Variants in TMTC2 observed in about 807,000 individuals in gnomAD.
TMTC2 encodes protein O-mannosyl-transferase TMTC2.
A neutral mutation model predicts 82.4 loss-of-function variants in TMTC2; 43 were observed. That is an observed-to-expected ratio of 0.52 (90% CI 0.41 to 0.67). The LOEUF (loss-of-function observed/expected upper bound fraction) is 0.67. Ranked by LOEUF, TMTC2 falls within the 30% of genes least tolerant of loss-of-function variation. The pLI, the probability that TMTC2 is intolerant of heterozygous loss-of-function variation, is 0.00. For synonymous variants in TMTC2, 408 were observed against 381.9 expected (o/e 1.07, Z -0.80); for missense variants, 919 against 1,012.4 (o/e 0.91, Z 1.25).
chr12:82,984,243 A>G lies in TMTC2; in HGVS notation c.1949-1682A>G, dbSNP rs543960792. 2.0e-5 allele frequency among the ~76,000 whole-genome samples: 3 copies of G among 152,258 alleles called. No homozygotes were observed. In the East Asian group the frequency reaches 5.8e-4, roughly 29 times the overall value. ...GAAAAAAATCAAACATTTTTCAACT[A>G]TCATTTTTATGATAATATAGTTTAA... On this transcript the variant is annotated intron_variant, in intron 7 of 11. Transcript: ENST00000321196.
intron 7 of TMTC2, among the ~76,000 whole-genome samples, chr12:82,969,805 G>A (rs1346402845): frequency 6.6e-6 from 1 of 151,718 alleles, no homozygotes; most frequent in African/African-American, 2.4e-5. Flanking sequence ...AATTTCATAG[G>A]ACCAAGATGT....
At chr12:82,719,085 A>ATATATATATATATTT (rs1282211374) in intron 1 of TMTC2, among the ~76,000 whole-genome samples, 1 of 41,412 alleles carries the variant, frequency 2.4e-5, no homozygotes, top group East Asian at 9.7e-4. Context: ...ATATATATAT[A>ATATATATATATATTT]TTTTTTTTTT....
At chr12:83,061,690 C>T in intron 10 of TMTC2, 78 bp from the exon 11 acceptor site, 6 of 1,279,502 alleles carry the variant, frequency 4.7e-6, no homozygotes, top group Non-Finnish European at 5.2e-6. Flanking sequence ...TAAAAATTAA[C>T]ATTATTTTAC....
At chr12:83,059,910 G>T (rs1882679540) in intron 10 of TMTC2, among the ~76,000 whole-genome samples, 1 of 151,650 alleles carries the variant, frequency 6.6e-6, no homozygotes, top group Non-Finnish European at 1.5e-5. Context: ...GTAGTATTAA[G>T]TTACTCCAAT....
At chr12:82,884,515 T>A (rs574706923) in intron 2 of TMTC2, among the ~76,000 whole-genome samples, 1 of 152,368 alleles carries the variant, frequency 6.6e-6, no homozygotes, top group East Asian at 1.9e-4. Flanking sequence ...TTAATTTTTC[T>A]TTGCTAGCAG....
chr12:82,815,305 A>AT (rs1868635274), intron 1 of TMTC2, among the ~76,000 whole-genome samples: 1 of 145,018 alleles, frequency 6.9e-6, no homozygotes, highest in African/African-American at 2.6e-5. Flanking sequence ...TAATTAATTA[A>AT]TTAATTATTT....
intron 4 of TMTC2, among the ~76,000 whole-genome samples, chr12:82,952,920 AGTTGGGAAGAGGTTG>A (rs1310237819): frequency 6.6e-6 from 1 of 152,186 alleles, no homozygotes; most frequent in Non-Finnish European, 1.5e-5. Flanking sequence ...GCATTTTGTC[AGTTGGGAAGAGGTTG>A]GTTGTCAAGT....
At chr12:82,890,787 C>T (rs1873356210) in intron 2 of TMTC2, among the ~76,000 whole-genome samples, 1 of 151,948 alleles carries the variant, frequency 6.6e-6, no homozygotes, top group African/African-American at 2.4e-5. Context: ...CAGAGTCTCT[C>T]TTTTTTTTAT....
At chr12:83,045,693 A>T (rs996021100) in intron 9 of TMTC2, among the ~76,000 whole-genome samples, 8 of 149,444 alleles carry the variant, frequency 5.4e-5, no homozygotes, top group East Asian at 2.0e-4. Flanking sequence ...CTTATAGGGC[A>T]GGAAAGGGCT....
At chr12:82,756,184 G>A (rs1229530611) in intron 1 of TMTC2, among the ~76,000 whole-genome samples, 2 of 152,036 alleles carry the variant, frequency 1.3e-5, no homozygotes, top group Non-Finnish European at 2.9e-5. Context: ...TCTTGAGTTG[G>A]ATACTTAGTA....
At chr12:82,718,035 C>A (rs539821597) in intron 1 of TMTC2, among the ~76,000 whole-genome samples, 1 of 152,300 alleles carries the variant, frequency 6.6e-6, no homozygotes, top group South Asian at 2.1e-4. Flanking sequence ...GAGAACTTAA[C>A]CCATTTATGC....
At chr12:82,730,296 C>CAAAA (rs368959079) in intron 1 of TMTC2, among the ~76,000 whole-genome samples, 62,187 of 78,810 alleles carry the variant, frequency 0.79, 24,920 homozygotes, top group Non-Finnish European at 0.83. Flanking sequence ...CTCTGTCTCT[C>CAAAA]AAAAAAAAAA....
At chr12:82,845,772 G>A (rs1225864514) in intron 1 of TMTC2, among the ~76,000 whole-genome samples, 3 of 150,820 alleles carry the variant, frequency 2.0e-5, no homozygotes. Flanking sequence ...AGTGCTTAGA[G>A]TGTGGTATTT....
chr12:82,986,030 A>G lies in TMTC2; in HGVS notation c.2054A>G (p.Lys685Arg). The G allele has an allele frequency of 1.9e-6, 3 of 1,614,010 alleles. No individual in the cohort carries two copies. Among genetic ancestry groups the G allele is most frequent in the Non-Finnish European group, 2.5e-6 (3 of 1,179,920 alleles). The change falls in exon 8 of 12, where the codon AAG (lysine) becomes AGG (arginine). Residue 685 changes from lysine to arginine, a missense_variant. Transcript: ENST00000321196. ...DHIPAHLTYG[K>R]LLALTGRKSE... Reference sequence around the variant, plus strand: ...ATCCCTGCTCATCTCACCTATGGGAAGCTGCTAGCTCTAACAGTGAGTAAC... The same window carrying G: ...ATCCCTGCTCATCTCACCTATGGGAGGCTGCTAGCTCTAACAGTGAGTAAC...
intron 3 of TMTC2, among the ~76,000 whole-genome samples, chr12:82,928,999 CAAT>C (rs776943314): frequency 6.6e-6 from 1 of 152,070 alleles, no homozygotes; most frequent in Non-Finnish European, 1.5e-5. Context: ...GTATCAAACA[CAAT>C]AATATTAATG....
chr12:82,910,724 C>T (rs748313706), intron 3 of TMTC2, among the ~76,000 whole-genome samples: 3 of 152,130 alleles, frequency 2.0e-5, no homozygotes, highest in South Asian at 2.1e-4. Flanking sequence ...CTGATTGCTC[C>T]GGCCAAACTC....
intron 3 of TMTC2, among the ~76,000 whole-genome samples, chr12:82,929,160 G>A (rs1328360475): frequency 6.6e-6 from 1 of 151,778 alleles, no homozygotes; most frequent in African/African-American, 2.4e-5. Flanking sequence ...CTGTAGCCTC[G>A]ACTCTATGGG....
At chr12:83,068,502 A>C (rs1592726653) in intron 11 of TMTC2, among the ~76,000 whole-genome samples, 1 of 152,252 alleles carries the variant, frequency 6.6e-6, no homozygotes, top group East Asian at 1.9e-4. Context: ...GAGGAACCAC[A>C]TGGTCTCTCC....
At chr12:83,083,154 A>G (rs1345938504) in intron 11 of TMTC2, among the ~76,000 whole-genome samples, 1 of 152,200 alleles carries the variant, frequency 6.6e-6, no homozygotes, top group Non-Finnish European at 1.5e-5. Context: ...TAGGAAGTGA[A>G]GTGCTTAATT....
Sources: gnomAD v4.1 joint callset for allele counts (sites outside exome capture counted in the v4.1 genomes callset) on GRCh38, gnomAD v4.1.1 for gene constraint, MANE v1.5 for transcripts, NCBI Gene and HGNC (gene_info 2026-07-23, HGNC 2026-07-21) for gene names.